The following C1D variants were observed in gnomAD, a reference collection of about 807,000 sequenced individuals.
C1D encodes C1D nuclear receptor corepressor.
Under a neutral mutation model 17.5 loss-of-function variants are expected in C1D, and 10 were observed. The observed-to-expected ratio is 0.57, with a 90% CI of 0.35 to 0.97. The LOEUF is 0.97. Among genes scored for constraint, C1D ranks in the 50% least tolerant of loss-of-function variants. The pLI, the probability that C1D is intolerant of heterozygous loss-of-function variation, is 0.01. For missense variants in C1D, 136 were observed against 160.1 expected, an observed-to-expected ratio of 0.85 and a Z score of 0.81; for synonymous variants, 49 against 54.0, an observed-to-expected ratio of 0.91 and a Z score of 0.40.
In C1D at chr2:68,047,057, T is replaced by C. The variant is rs1671147199; in HGVS notation, c.138+116A>G. ...AAAAATACCCAAACACTAATAAAAT[T>C]GAAATAAAGGGGAAAAGGGGCATAG... On this transcript the variant is annotated intron_variant, in intron 2 of 4. Transcript: ENST00000410067. The C allele has an allele frequency of 8.9e-6, 8 of 895,148 alleles. No individual in the cohort carries two copies. The Admixed American group carries it at 3.0e-4, about 34-fold the overall frequency. 55.5% of individuals were successfully genotyped at this position (895,148 alleles called of 1,614,324 possible).
intron 1 of C1D, among the ~76,000 whole-genome samples, chr2:68,048,251 G>C (rs1444997440): frequency 2.6e-5 from 4 of 152,206 alleles, no homozygotes; most frequent in African/African-American, 7.2e-5. Flanking sequence ...GCAATTCCAA[G>C]CCATAGGTAA....
At chr2:68,053,729 T>C (rs188121997) in intron 1 of C1D, among the ~76,000 whole-genome samples, 177 of 152,348 alleles carry the variant, frequency 1.2e-3, no homozygotes, top group Admixed American at 2.0e-3. Context: ...TCATCTTTCA[T>C]GGCTCCCCTC....
chr2:68,059,308 C>G lies in C1D; in HGVS notation c.-10+3650G>C, dbSNP rs764096268. Among the ~76,000 whole-genome samples the G allele has an allele frequency of 2.6e-5, 4 of 152,200 alleles. No individual in the cohort carries two copies. The East Asian group carries it at 7.7e-4, about 29-fold the overall frequency. On this transcript the variant is annotated intron_variant, in intron 1 of 4. Transcript: ENST00000410067. The stretch of plus-strand genomic sequence containing the variant: ...AAATATCTCCCACTAGGCCTACCTC[C>G]AACACTGGAAGTGACATTTCAACAA...
Position 68,062,067 on chromosome 2 carries a change from T to G in C1D, c.-10+891A>C, listed in dbSNP as rs141453446. 3.1e-3 allele frequency among the ~76,000 whole-genome samples: 475 copies of G among 152,338 alleles called. 2 individuals are homozygous for G. Among genetic ancestry groups the G allele is most frequent in the African/African-American group, 0.011 (449 of 41,576 alleles). ...ATAACTAAAAGTATAACTGGATTGT[T>G]TGTAACACAAAGGATAAGTGCCTGA... is the stretch of plus-strand genomic sequence containing the variant. On this transcript the variant is annotated intron_variant, in intron 1 of 4. Transcript: ENST00000410067.
At chr2:68,046,714 G>A (rs1233727152) in intron 2 of C1D, 5 of 330,842 alleles carry the variant, frequency 1.5e-5, no homozygotes, top group Non-Finnish European at 2.2e-5. Context: ...TACGATCTGG[G>A]CTTTGTAAGT....
chr2:68,047,373 G>T, intron 1 of C1D, 54 bp from the exon 2 acceptor site: 1 of 1,411,178 alleles, frequency 7.1e-7, no homozygotes, highest in Non-Finnish European at 9.5e-7. Context: ...TTGTTCTTTA[G>T]TTTCCAAAAA....
At chr2:68,058,989 G>A (rs972702832) in intron 1 of C1D, among the ~76,000 whole-genome samples, 10 of 152,164 alleles carry the variant, frequency 6.6e-5, no homozygotes, top group Admixed American at 3.3e-4. Flanking sequence ...TGGAATACCC[G>A]TGTTCCTCCG....
intron 1 of C1D, among the ~76,000 whole-genome samples, chr2:68,056,683 G>A (rs1241057089): frequency 6.6e-6 from 1 of 152,138 alleles, no homozygotes; most frequent in African/African-American, 2.4e-5. Flanking sequence ...CAGCCTTACT[G>A]ATAATTAAGG....
chr2:68,050,286 A>C (rs1489003506), intron 1 of C1D, among the ~76,000 whole-genome samples: 1 of 151,388 alleles, frequency 6.6e-6, no homozygotes, highest in East Asian at 2.0e-4. Flanking sequence ...TTATTTCTCC[A>C]TCTAAGAAAG....
intron 1 of C1D, among the ~76,000 whole-genome samples, chr2:68,056,391 C>T (rs532779966): frequency 6.6e-5 from 10 of 151,958 alleles, no homozygotes; most frequent in African/African-American, 2.4e-4. Context: ...TGTGAGCCAT[C>T]GAGCCCAGCA....
chr2:68,047,235 C>A lies in C1D; in HGVS notation c.76G>T (p.Gly26Cys), dbSNP rs1671152869. The A allele has an allele frequency of 6.2e-7, 1 of 1,612,218 alleles. No homozygotes were observed. Among genetic ancestry groups the A allele is most frequent in the African/African-American group, 1.3e-5 (1 of 74,852 alleles). Residue 26 changes from glycine to cysteine, a missense_variant, in exon 2 of 5, where the codon GGT becomes TGT. Physicochemically the swap from Gly to Cys is radical, Grantham distance 159. Transcript: ENST00000410067. ...EYLSAFENSI[G>C]AVDEMLKTMM... is the part of the protein sequence containing the mutation. Reference sequence around the variant, plus strand: ...GTCTTCAGCATCTCATCCACAGCACCAATGGAATTCTCAAACGCTGACAAA... The same window carrying A: ...GTCTTCAGCATCTCATCCACAGCACAAATGGAATTCTCAAACGCTGACAAA...
rs1671344506 is a variant in C1D at position 68,053,418 on chromosome 2, G to A, written c.-9-6099C>T. 3 of 461,006 alleles carry A rather than the reference G, an allele frequency of 6.5e-6. No homozygotes were observed. The South Asian group carries it at 9.0e-5, about 14-fold the overall frequency. The allele number at this position is 461,006 out of a possible 1,614,324, so 28.6% of individuals were successfully genotyped here. On this transcript the variant is annotated intron_variant, in intron 1 of 4. Coordinates refer to ENST00000410067, the MANE Select transcript of C1D (RefSeq NM_173177.3). The stretch of plus-strand genomic sequence containing the variant: ...GGGTGGCCAATCCAGGCAGAAACCT[G>A]GGAGGCACCCCAAATCCAATCAGTC...
intron 1 of C1D, among the ~76,000 whole-genome samples, chr2:68,059,239 T>C (rs933248973): frequency 6.6e-6 from 1 of 152,144 alleles, no homozygotes; most frequent in East Asian, 1.9e-4. Flanking sequence ...CTCAACTCAT[T>C]ACCTCAAGGA....
chr2:68,061,003 T>A (rs537422724), intron 1 of C1D, among the ~76,000 whole-genome samples: 1 of 152,190 alleles, frequency 6.6e-6, no homozygotes, highest in East Asian at 1.9e-4. Context: ...TACTAGAAAG[T>A]CACCACATGG....
At chr2:68,054,500 AG>A (rs1459956779) in intron 1 of C1D, among the ~76,000 whole-genome samples, 1 of 152,236 alleles carries the variant, frequency 6.6e-6, no homozygotes, top group African/African-American at 2.4e-5. Flanking sequence ...CTGCTTCTAA[AG>A]CCTTTCAACT....
intron 1 of C1D, among the ~76,000 whole-genome samples, chr2:68,062,040 A>G (rs1399824595): frequency 6.6e-6 from 1 of 152,236 alleles, no homozygotes; most frequent in Admixed American, 6.5e-5. Flanking sequence ...ATACAGAGTT[A>G]AATAACTAAA....
chr2:68,055,877 G>A (rs934775657), intron 1 of C1D, among the ~76,000 whole-genome samples: 2 of 152,162 alleles, frequency 1.3e-5, no homozygotes, highest in African/African-American at 4.8e-5. Flanking sequence ...TCACAAACTA[G>A]CTTTTAGAAT....
intron 1 of C1D, among the ~76,000 whole-genome samples, chr2:68,049,341 G>T (rs1310654453): frequency 1.3e-5 from 2 of 152,150 alleles, no homozygotes; most frequent in East Asian, 1.9e-4. Flanking sequence ...CTAATTTCCA[G>T]ATCTGTGAAA....
chr2:68,053,487 C>A (rs1671345652), intron 1 of C1D, among the ~76,000 whole-genome samples: 1 of 152,208 alleles, frequency 6.6e-6, no homozygotes, highest in South Asian at 2.1e-4. Context: ...ACAAGCTTTC[C>A]TCTATTCTCA....
Sources: gnomAD v4.1 joint callset for allele counts (sites outside exome capture counted in the v4.1 genomes callset) on GRCh38, gnomAD v4.1.1 for gene constraint, MANE v1.5 for transcripts, NCBI Gene and HGNC (gene_info 2026-07-23, HGNC 2026-07-21) for gene names.